CENPK: variants seen among roughly 807,000 people sequenced by gnomAD.
CENPK encodes SoxLZ/Sox6-binding protein Solt.
Under a neutral mutation model 40.9 loss-of-function variants are expected in CENPK, and 46 were observed. That is an observed-to-expected ratio of 1.13 (90% CI 0.89 to 1.44). The LOEUF is 1.44. CENPK is among the 40% of genes most tolerant of loss of function. The probability of loss-of-function intolerance (pLI) is 0.00; values close to 1 mark genes in which losing one functional copy is unlikely to be tolerated. For missense variants in CENPK, 288 were observed against 303.5 expected (o/e 0.95, Z 0.38); for synonymous variants, 107 against 104.4 (o/e 1.02, Z -0.15).
chr5:65,523,072 T>C (rs946897324), intron 9 of CENPK, among the ~76,000 whole-genome samples: 6 of 152,248 alleles, frequency 3.9e-5, no homozygotes, highest in Admixed American at 2.0e-4. Context: ...TGTAATGTAT[T>C]CTGTACATAT....
chr5:65,499,171 C>T, the CENPK span, among the ~76,000 whole-genome samples: 1 of 150,194 alleles, frequency 6.7e-6, no homozygotes. Context: ...CCACTGCACC[C>T]AGCCAGGAAC....
intron 5 of CENPK, among the ~76,000 whole-genome samples, chr5:65,548,621 C>T (rs747426037): frequency 1.3e-5 from 2 of 152,100 alleles, no homozygotes; most frequent in Non-Finnish European, 2.9e-5. Context: ...CCTGACGCTG[C>T]CTTACCAACA....
intron 5 of CENPK, chr5:65,551,158 G>A (rs1010505799): frequency 7.4e-6 from 3 of 406,300 alleles, no homozygotes; most frequent in African/African-American, 4.4e-5. Flanking sequence ...GCTGAGGTAG[G>A]AGGATCACTT....
intron 2 of CENPK, among the ~76,000 whole-genome samples, chr5:65,560,722 A>AT (rs1751816402): frequency 2.6e-5 from 4 of 152,214 alleles, no homozygotes; most frequent in Admixed American, 2.6e-4. Context: ...TTGGTAAGAG[A>AT]TAATACTGGC....
chr5:65,552,477 A>C lies in CENPK; in HGVS notation c.168+16T>G, dbSNP rs749804748. 6 of 1,483,402 alleles carry C rather than the reference A, an allele frequency of 4.0e-6. No individual in the cohort carries two copies. Among genetic ancestry groups the C allele is most frequent in the East Asian group, 5.0e-5 (2 of 40,172 alleles). The allele number at this position is 1,483,402 out of a possible 1,614,324, so 91.9% of individuals were successfully genotyped here. On this transcript the variant is annotated intron_variant, in intron 4 of 10. Coordinates refer to ENST00000396679, the MANE Select transcript of CENPK (RefSeq NM_022145.5). The stretch of plus-strand genomic sequence containing the variant: ...TCCACTTACCTTGTATTTTTTAGGA[A>C]GAAAAAGATTCATACCTGAGCATTT...
At chr5:65,501,978 C>T in the CENPK span, among the ~76,000 whole-genome samples, 1 of 152,136 alleles carries the variant, frequency 6.6e-6, no homozygotes, top group Non-Finnish European at 1.5e-5. Context: ...AGTTCAGAAC[C>T]ACCACATGGC....
chr5:65,545,332 A>G (rs948982990), intron 5 of CENPK, among the ~76,000 whole-genome samples: 365 of 5,190 alleles, frequency 0.07, 6 homozygotes, highest in African/African-American at 0.11. Context: ...GCGCACACAC[A>G]CACACACACA....
intron 5 of CENPK, among the ~76,000 whole-genome samples, chr5:65,548,128 T>C (rs1443553828): frequency 2.0e-5 from 3 of 152,184 alleles, no homozygotes; most frequent in Admixed American, 6.5e-5. Flanking sequence ...GAATATCATA[T>C]GCAGGGATAC....
At position 65,518,473 on chromosome 5, in the gene CENPK, T is replaced by C; in HGVS notation, c.*2A>G. 1 of 1,608,122 alleles carries C rather than the reference T, an allele frequency of 6.2e-7. No individual in the cohort carries two copies. Among genetic ancestry groups the C allele is most frequent in the East Asian group, 2.2e-5 (1 of 44,726 alleles). ...TACTGTGTGAAAAAAGAAAACATCCTTTTACTGATGGAAAGCTTCTAATCT... is the reference window on the plus strand; with the variant it reads ...TACTGTGTGAAAAAAGAAAACATCCCTTTACTGATGGAAAGCTTCTAATCT... On this transcript the variant is annotated 3_prime_UTR_variant, in exon 11 of 11. Transcript: ENST00000396679.
the CENPK span, among the ~76,000 whole-genome samples, chr5:65,501,862 T>C: frequency 6.6e-6 from 1 of 152,210 alleles, no homozygotes; most frequent in Non-Finnish European, 1.5e-5. Context: ...CCACTGATTC[T>C]ATAGTCAAGA....
intron 6 of CENPK, among the ~76,000 whole-genome samples, chr5:65,541,072 T>C (rs1747891248): frequency 6.6e-6 from 1 of 152,094 alleles, no homozygotes; most frequent in South Asian, 2.1e-4. Flanking sequence ...ATCCATCCTC[T>C]TCAGATTCCC....
intron 6 of CENPK, among the ~76,000 whole-genome samples, chr5:65,533,705 A>G (rs1336885705): frequency 6.6e-6 from 1 of 152,160 alleles, no homozygotes; most frequent in Non-Finnish European, 1.5e-5. Context: ...CAAAATCAAT[A>G]TATACATATT....
chr5:65,512,889 G>A (rs529341820), downstream of CENPK, among the ~76,000 whole-genome samples: 1 of 152,162 alleles, frequency 6.6e-6, no homozygotes, highest in Non-Finnish European at 1.5e-5. Context: ...TAGGCACATA[G>A]TGATATCTCA....
chr5:65,517,607 A>G (rs1742970051), downstream of CENPK, among the ~76,000 whole-genome samples: 1 of 152,176 alleles, frequency 6.6e-6, no homozygotes, highest in Non-Finnish European at 1.5e-5. Flanking sequence ...TTTCAAGTAA[A>G]AAAATAAACA....
intron 5 of CENPK, among the ~76,000 whole-genome samples, chr5:65,546,440 G>A (rs556908856): frequency 6.6e-6 from 1 of 152,314 alleles, no homozygotes; most frequent in Admixed American, 6.5e-5. Context: ...AATCTGAGGT[G>A]TCTATGAAAT....
the CENPK span, among the ~76,000 whole-genome samples, chr5:65,496,423 C>A: frequency 6.6e-6 from 1 of 152,252 alleles, no homozygotes; most frequent in South Asian, 2.1e-4. Context: ...GGTACTCCTA[C>A]TTTGTTAATA....
chr5:65,541,536 T>C (rs1747985316), intron 6 of CENPK: 1 of 438,940 alleles, frequency 2.3e-6, no homozygotes, highest in Non-Finnish European at 4.6e-6. Context: ...AAAAACACTT[T>C]GTTTTTTTCC....
chr5:65,559,576 C>T (rs1751599305), intron 2 of CENPK, among the ~76,000 whole-genome samples: 1 of 148,826 alleles, frequency 6.7e-6, no homozygotes, highest in African/African-American at 2.5e-5. Flanking sequence ...TTGCAGTGAG[C>T]CGAGATCCCG....
intron 2 of CENPK, among the ~76,000 whole-genome samples, chr5:65,558,542 T>C (rs1004852857): frequency 3.9e-5 from 6 of 152,212 alleles, no homozygotes; most frequent in Non-Finnish European, 7.4e-5. Flanking sequence ...TATGAAAGGA[T>C]GGGAAGAAAG....
Sources: gnomAD v4.1 joint callset for allele counts (sites outside exome capture counted in the v4.1 genomes callset) on GRCh38, gnomAD v4.1.1 for gene constraint, MANE v1.5 for transcripts, NCBI Gene and HGNC (gene_info 2026-07-23, HGNC 2026-07-21) for gene names.